CARMIL1: variants seen among roughly 807,000 people sequenced by gnomAD.
CARMIL1 encodes the protein F-actin-uncapping protein LRRC16A.
Under a neutral mutation model 177.1 loss-of-function variants are expected in CARMIL1, and 90 were observed. The observed-to-expected ratio is 0.51, with a 90% CI of 0.43 to 0.61. CARMIL1 has a LOEUF of 0.61. CARMIL1 is among the 20% of genes least tolerant of loss of function. The pLI is 0.00. For synonymous variants in CARMIL1, 577 were observed against 606.2 expected (o/e 0.95, Z 0.71); for missense variants, 1,380 against 1,667.0 (o/e 0.83, Z 3.00).
intron 2 of CARMIL1, among the ~76,000 whole-genome samples, chr6:25,369,379 GTTTTT>G (rs5875032): frequency 0.26 from 36,776 of 140,842 alleles, 5,238 homozygotes; most frequent in Non-Finnish European, 0.34. Context: ...GCTGTATTTT[GTTTTT>G]TTTTTTTTTT....
rs537060628 is a variant in CARMIL1, at chr6:25,523,133, GACAATATGATT to G, written c.1968+2797_1968+2807del. On this transcript the variant is annotated intron_variant, in intron 23 of 36. Transcript: ENST00000329474. The stretch of plus-strand genomic sequence containing the variant: ...CTTTTTAGGCATATGTTGAATAGAA[GACAATATGATT>G]GGAGATGAGAGAGAAAAAAGCTGTG... 2.9e-3 allele frequency among the ~76,000 whole-genome samples: 438 copies of G among 152,266 alleles called. 1 individual carries two copies. Among genetic ancestry groups the G allele is most frequent in the African/African-American group, 9.6e-3 (398 of 41,552 alleles).
chr6:25,576,268 A>C lies in CARMIL1; in HGVS notation c.2743-4656A>C, dbSNP rs1295547468. 2.0e-5 allele frequency among the ~76,000 whole-genome samples: 3 copies of C among 152,290 alleles called. No individual in the cohort carries two copies. The East Asian group carries it at 5.8e-4, about 29-fold the overall frequency. The stretch of plus-strand genomic sequence containing the variant: ...GGTGAATGGAGAAGGAAAGAAAATA[A>C]AGAAAAAAATTATTTAGAGATGTAA... On this transcript the variant is annotated intron_variant, in intron 29 of 36. Coordinates refer to ENST00000329474, the MANE Select transcript of CARMIL1 (RefSeq NM_017640.6).
At chr6:25,338,313 A>G (rs1218020279) in intron 2 of CARMIL1, among the ~76,000 whole-genome samples, 3 of 152,090 alleles carry the variant, frequency 2.0e-5, no homozygotes, top group Non-Finnish European at 4.4e-5. Context: ...ACTGTATTTT[A>G]TAGTTACAAA....
At chr6:25,288,244 T>C (rs1473192817) in intron 2 of CARMIL1, among the ~76,000 whole-genome samples, 1 of 152,174 alleles carries the variant, frequency 6.6e-6, no homozygotes, top group African/African-American at 2.4e-5. Flanking sequence ...GAGCTTATGT[T>C]AGAGAAACAT....
chr6:25,495,343 TG>T, intron 16 of CARMIL1, 128 bp downstream of exon 16: 1 of 561,228 alleles, frequency 1.8e-6, no homozygotes, highest in Non-Finnish European at 3.1e-6. Context: ...CTTTTTACTC[TG>T]GGGCAGAAAA....
chr6:25,316,722 A>AT (rs772989380), intron 2 of CARMIL1, among the ~76,000 whole-genome samples: 111 of 152,038 alleles, frequency 7.3e-4, no homozygotes, highest in African/African-American at 2.6e-3. Context: ...TATTATTATA[A>AT]TTTTTTTTAA....
At chr6:25,500,642 T>C (rs1054527835) in intron 17 of CARMIL1, among the ~76,000 whole-genome samples, 1 of 152,230 alleles carries the variant, frequency 6.6e-6, no homozygotes, top group Non-Finnish European at 1.5e-5. Context: ...TTATTAATTT[T>C]ACTTTTTAAT....
At chr6:25,439,674 G>C (rs1797557332) in intron 5 of CARMIL1, among the ~76,000 whole-genome samples, 2 of 152,212 alleles carry the variant, frequency 1.3e-5, no homozygotes, top group African/African-American at 4.8e-5. Flanking sequence ...TAGGGGTCTG[G>C]TTGGGAGGGC....
chr6:25,407,978 C>T (rs1388212494), intron 2 of CARMIL1, among the ~76,000 whole-genome samples: 6 of 152,276 alleles, frequency 3.9e-5, no homozygotes, highest in African/African-American at 1.4e-4. Flanking sequence ...GTTCCTGTCA[C>T]GCCAGCCTCT....
intron 36 of CARMIL1, among the ~76,000 whole-genome samples, chr6:25,617,012 A>G (rs1759318539): frequency 6.6e-6 from 1 of 152,184 alleles, no homozygotes; most frequent in African/African-American, 2.4e-5. Context: ...CAATTGGTAG[A>G]GTTTAATCAA....
intron 36 of CARMIL1, among the ~76,000 whole-genome samples, chr6:25,614,920 G>A (rs541525925): frequency 3.9e-4 from 59 of 152,288 alleles, no homozygotes; most frequent in African/African-American, 1.4e-3. Flanking sequence ...CTCATTGTGA[G>A]GAGCTGGTCA....
chr6:25,437,426 A>G (rs1473191712), intron 5 of CARMIL1, among the ~76,000 whole-genome samples: 1 of 152,246 alleles, frequency 6.6e-6, no homozygotes, highest in Non-Finnish European at 1.5e-5. Context: ...GAGTAAGAAT[A>G]GTATTTTCAC....
intron 5 of CARMIL1, among the ~76,000 whole-genome samples, chr6:25,436,358 C>T (rs914882589): frequency 1.3e-5 from 2 of 152,188 alleles, no homozygotes; most frequent in African/African-American, 4.8e-5. Flanking sequence ...TCCCATTGCT[C>T]TCCCAGCAGG....
At chr6:25,398,648 A>G (rs890917231) in intron 2 of CARMIL1, among the ~76,000 whole-genome samples, 2 of 152,238 alleles carry the variant, frequency 1.3e-5, no homozygotes, top group Admixed American at 6.5e-5. Context: ...TCAGACGACT[A>G]TCTGCTTTAT....
chr6:25,552,973 C>T (rs572645057), intron 27 of CARMIL1, among the ~76,000 whole-genome samples: 3 of 152,024 alleles, frequency 2.0e-5, no homozygotes, highest in Non-Finnish European at 4.4e-5. Context: ...TCAGATAAAG[C>T]AAATAGATAG....
chr6:25,381,918 C>T (rs1450033980), intron 2 of CARMIL1, among the ~76,000 whole-genome samples: 1 of 152,070 alleles, frequency 6.6e-6, no homozygotes, highest in Non-Finnish European at 1.5e-5. Context: ...GTTCCCCTGG[C>T]AACCACCAGC....
At chr6:25,482,012 T>C (rs1441788850) in intron 11 of CARMIL1, among the ~76,000 whole-genome samples, 1 of 152,188 alleles carries the variant, frequency 6.6e-6, no homozygotes, top group Non-Finnish European at 1.5e-5. Flanking sequence ...CCAAGAAAAG[T>C]ATCTCCAATG....
intron 29 of CARMIL1, among the ~76,000 whole-genome samples, chr6:25,576,393 G>C (rs1812589191): frequency 6.6e-6 from 1 of 152,254 alleles, no homozygotes; most frequent in East Asian, 1.9e-4. Context: ...CCTGTCATCA[G>C]ATCTTTTCCT....
chr6:25,545,334 A>G (rs574093990), intron 26 of CARMIL1, among the ~76,000 whole-genome samples: 41 of 152,320 alleles, frequency 2.7e-4, no homozygotes, highest in Middle Eastern at 3.4e-3. Context: ...AGGTATCACC[A>G]GAGAGAAACA....
Sources: allele counts gnomAD v4.1 joint callset (sites outside exome capture counted in the v4.1 genomes callset), GRCh38; gene constraint gnomAD v4.1.1; transcripts MANE v1.5; gene names NCBI Gene and HGNC (gene_info 2026-07-23, HGNC 2026-07-21).